The following C15orf40 variants were observed in gnomAD, a reference collection of about 807,000 sequenced individuals.
C15orf40 encodes the protein chromosome 15 open reading frame 40.
A neutral mutation model predicts 13.9 loss-of-function variants in C15orf40; 9 were observed. That is an observed-to-expected ratio of 0.65 (90% confidence interval 0.39 to 1.13). The LOEUF is 1.13. C15orf40 is among the 50% of genes most tolerant of loss of function. The pLI is 0.01. For synonymous variants in C15orf40, 95 were observed against 69.2 expected (o/e 1.37, Z -1.85); for missense variants, 225 against 188.5 (o/e 1.19, Z -1.13).
chr15:83,002,632 G>C lies in C15orf40; in HGVS notation c.*2965C>G, dbSNP rs1810015602. 1 of 152,218 alleles carries C rather than the reference G, an allele frequency of 6.6e-6. No homozygotes were observed. Among genetic ancestry groups the C allele is most frequent in the South Asian group, 2.1e-4 (1 of 4,828 alleles). The allele number at this position is 152,218 out of a possible 1,614,324, so 9.4% of individuals were successfully genotyped here. On this transcript the variant is annotated 3_prime_UTR_variant, in exon 4 of 4. Transcript: ENST00000304177. ...ATTTGGGCTGATACAAGGGAAGGCTGACTGAAAGCTTCTGGAAAATACCAG... is the reference window on the plus strand; with the variant it reads ...ATTTGGGCTGATACAAGGGAAGGCTCACTGAAAGCTTCTGGAAAATACCAG...
rs1354810135 is a variant in C15orf40 at position 83,003,993 on chromosome 15, C to CCGCCTCGACCTCCCA, written c.*1589_*1603dup. On this transcript the variant is annotated 3_prime_UTR_variant, in exon 4 of 4. Coordinates refer to ENST00000304177, the MANE Select transcript of C15orf40 (RefSeq NM_144597.3). The stretch of plus-strand genomic sequence containing the variant: ...AAACTCCTAACCTCAGGTGATCCAC[C>CCGCCTCGACCTCCCA]CGCCTCGACCTCCCAAAGTGCTGGG... The CCGCCTCGACCTCCCA allele has an allele frequency of 6.6e-6, 1 of 152,196 alleles. No individual in the cohort carries two copies. The highest frequency in any genetic ancestry group is 1.5e-5 in the Non-Finnish European group (1 of 68,050). The allele number at this position is 152,196 out of a possible 1,614,324, so 9.4% of individuals were successfully genotyped here.
chr15:82,988,998 A>C, downstream of C15orf40: 2 of 1,579,386 alleles, frequency 1.3e-6, no homozygotes, highest in African/African-American at 1.4e-5. Context: ...AAATGTCTTT[A>C]AAATTGTACA....
At chr15:82,994,320 T>C (rs924209561), downstream of C15orf40, among the ~76,000 whole-genome samples, 7 of 151,668 alleles carry the variant, frequency 4.6e-5, no homozygotes, top group African/African-American at 1.5e-4. Context: ...ACTCTACTTG[T>C]TTCCTAAATA....
At chr15:82,990,102 C>T, downstream of C15orf40, 1 of 1,024,282 alleles carries the variant, frequency 9.8e-7, no homozygotes. Context: ...AAAGCATTTA[C>T]TCTGTTACCA....
In C15orf40 at chr15:82,997,846, A is replaced by C. The variant is rs1250213602; in HGVS notation, c.*7751T>G. On this transcript the variant is annotated 3_prime_UTR_variant, in exon 4 of 4. Transcript: ENST00000304177. The stretch of plus-strand genomic sequence containing the variant: ...AGGGCAGGGGGGCTGACCCCCCCCC[A>C]CCTCCCTCCCGGACGGGGCGGCTGG... 9.1e-5 allele frequency: 7 copies of C among 77,116 alleles called. No homozygotes were observed. The highest frequency in any genetic ancestry group is 1.5e-4 in the Non-Finnish European group (6 of 40,022). 4.8% of individuals were successfully genotyped at this position (77,116 alleles called of 1,614,324 possible). A position where few individuals can be genotyped will look rare whatever the true frequency, so the allele number is the denominator to read the frequency against.
At chr15:82,989,868 T>G, downstream of C15orf40, 2 of 1,610,570 alleles carry the variant, frequency 1.2e-6, no homozygotes, top group Non-Finnish European at 1.7e-6. Context: ...TCTTTTTTGT[T>G]TTATTGTTGT....
downstream of C15orf40, chr15:82,989,133 A>G (rs760077888): frequency 1.6e-5 from 26 of 1,613,880 alleles, no homozygotes; most frequent in South Asian, 1.3e-4. Flanking sequence ...GTCTCCTCCA[A>G]TTGTTGAGGA....
chr15:83,004,704 GTAAA>G lies in C15orf40; in HGVS notation c.*889_*892del, dbSNP rs1478067704. ...TTTTCTTTACTTTTTCAACAAAATGGTAAATATAGTCTTTAAAAGATGTAAAAAA... is the reference window on the plus strand; with the variant it reads ...TTTTCTTTACTTTTTCAACAAAATGGTATAGTCTTTAAAAGATGTAAAAAA... On this transcript the variant is annotated 3_prime_UTR_variant, in exon 4 of 4. Transcript: ENST00000304177. 1.1e-6 allele frequency: 1 copy of G among 925,410 alleles called. No individual in the cohort carries two copies. The highest frequency in any genetic ancestry group is 1.8e-5 in the African/African-American group (1 of 54,290). The allele number at this position is 925,410 out of a possible 1,614,324, so 57.3% of individuals were successfully genotyped here. A position where few individuals can be genotyped will look rare whatever the true frequency, so the allele number is the denominator to read the frequency against.
chr15:82,991,861 G>A (rs2030875920), downstream of C15orf40: 1 of 1,276,786 alleles, frequency 7.8e-7, no homozygotes, highest in Non-Finnish European at 1.0e-6. Context: ...CAGATATTTA[G>A]TCTAGATAGT....
intron 2 of C15orf40, among the ~76,000 whole-genome samples, chr15:83,009,142 C>T (rs1296765343): frequency 6.6e-6 from 1 of 152,160 alleles, no homozygotes. Context: ...TTATGTGACA[C>T]ATATCTTGAG....
chr15:82,990,684 G>A, downstream of C15orf40: 1 of 1,514,686 alleles, frequency 6.6e-7, no homozygotes, highest in Admixed American at 2.0e-5. Context: ...ATCATTGTCA[G>A]TTTGTGTCTT....
At chr15:83,011,212 C>T in intron 1 of C15orf40, 1 of 341,984 alleles carries the variant, frequency 2.9e-6, no homozygotes, top group Non-Finnish European at 5.3e-6. Flanking sequence ...ACTGGGAGTG[C>T]GGGTAGGAGG....
intron 2 of C15orf40, among the ~76,000 whole-genome samples, chr15:83,009,791 T>C (rs943380025): frequency 1.3e-5 from 2 of 152,186 alleles, no homozygotes; most frequent in Non-Finnish European, 2.9e-5. Context: ...CCATGAATGT[T>C]TTATACTGTT....
chr15:83,011,379 T>C lies in C15orf40; in HGVS notation c.111+118A>G, dbSNP rs576535003. On this transcript the variant is annotated intron_variant, in intron 1 of 3. Coordinates refer to ENST00000304177, the MANE Select transcript of C15orf40 (RefSeq NM_144597.3). ...CGGCGGCTGTCCTGAGCCCCGGAAC[T>C]GAGAGACGGCAAGCCGCTGGCAGTG... is the stretch of plus-strand genomic sequence containing the variant. The C allele has an allele frequency of 1.6e-5, 19 of 1,206,060 alleles. No homozygotes were observed. The East Asian group carries it at 3.0e-4, about 19-fold the overall frequency. The allele number at this position is 1,206,060 out of a possible 1,614,324, so 74.7% of individuals were successfully genotyped here.
chr15:83,008,882 AGAG>A (rs2031845754), intron 2 of C15orf40, among the ~76,000 whole-genome samples: 3 of 152,248 alleles, frequency 2.0e-5, no homozygotes, highest in Admixed American at 2.0e-4. Context: ...AAATAAATCC[AGAG>A]AAGAAAAGTT....
rs974958876 is a variant in C15orf40 at position 83,010,149 on chromosome 15, A to C, written c.238+88T>G. On this transcript the variant is annotated intron_variant, in intron 2 of 3. Coordinates refer to ENST00000304177, the MANE Select transcript of C15orf40 (RefSeq NM_144597.3). ...GCAGATGTGAAAAATCAACTGTCAT[A>C]GAATAAGCTTTCAGCTAACCAAAGC... 2.6e-6 allele frequency: 4 copies of C among 1,530,034 alleles called. No individual in the cohort carries two copies. In the South Asian group the frequency reaches 5.0e-5, roughly 19 times the overall value. 94.8% of individuals were successfully genotyped at this position (1,530,034 alleles called of 1,614,324 possible).
rs1358374213 is a variant in C15orf40 at position 83,011,541 on chromosome 15, G to C, written c.67C>G (p.Leu23Val). Residue 23 changes from leucine to valine, a missense_variant, in exon 1 of 4, where the codon CTT (leucine) becomes GTT (valine). Physicochemically the swap from Leu to Val is conservative, Grantham distance 32 (BLOSUM62 1). Transcript: ENST00000304177. Reference protein sequence around the residue: ...ATPNTRGSARLLCAEMPKKAG... With the variant: ...ATPNTRGSARVLCAEMPKKAG... ...TTCTTAGGCATCTCGGCGCAAAGAA[G>C]CCGAGCGGAGCCCCGAGTATTGGGT... The C allele has an allele frequency of 1.2e-6, 2 of 1,605,994 alleles. No individual in the cohort carries two copies. Among genetic ancestry groups the C allele is most frequent in the African/African-American group, 1.3e-5 (1 of 74,554 alleles).
At position 83,011,501 on chromosome 15, in the gene C15orf40, G is replaced by A; in HGVS notation, c.107C>T (p.Thr36Ile). The A allele has an allele frequency of 1.2e-6, 2 of 1,604,862 alleles. No individual in the cohort carries two copies. Among genetic ancestry groups the A allele is most frequent in the Middle Eastern group, 1.7e-4 (1 of 6,042 alleles). The change falls in exon 1 of 4, where the codon ACC (threonine) becomes ATC (isoleucine). Residue 36 changes from threonine to isoleucine, a missense_variant. By Grantham distance (89) the Thr-to-Ile change is moderately conservative. Transcript: ENST00000304177. ...GCCACGGGACCTGCTACTGGCCTTG[G>A]TCGTCGCACCAGCCTTCTTAGGCAT... ...AEMPKKAGAT[T>I]KGKSQSKEPE...
At position 83,005,362 on chromosome 15, in the gene C15orf40, G is replaced by T; in HGVS notation, c.*235C>A. ...TGCAACGGCGCGATCTCGGCTTACTGCAACCTCCGCCCCCCAGGTTCAAGT... is the reference window on the plus strand; with the variant it reads ...TGCAACGGCGCGATCTCGGCTTACTTCAACCTCCGCCCCCCAGGTTCAAGT... On this transcript the variant is annotated 3_prime_UTR_variant, in exon 4 of 4. Transcript: ENST00000304177. 1 of 740,282 alleles carries T rather than the reference G, an allele frequency of 1.4e-6. No individual in the cohort carries two copies. The highest frequency in any genetic ancestry group is 1.7e-6 in the Non-Finnish European group (1 of 581,694). The allele number at this position is 740,282 out of a possible 1,614,324, so 45.9% of individuals were successfully genotyped here. A position where few individuals can be genotyped will look rare whatever the true frequency, so the allele number is the denominator to read the frequency against.
Sources: allele counts gnomAD v4.1 joint callset (sites outside exome capture counted in the v4.1 genomes callset), GRCh38; gene constraint gnomAD v4.1.1; transcripts MANE v1.5; gene names NCBI Gene and HGNC (gene_info 2026-07-23, HGNC 2026-07-21).